Variants in G3BP2 observed in about 807,000 individuals in gnomAD.
The protein encoded by G3BP2 is ras GTPase-activating protein-binding protein 2.
Under a neutral mutation model 56.7 loss-of-function variants are expected in G3BP2, and 11 were observed. The observed-to-expected ratio is 0.19, with a 90% CI of 0.12 to 0.32. The LOEUF is 0.32. G3BP2 is among the 10% of genes least tolerant of loss of function. G3BP2 has a pLI of 1.00. For missense variants in G3BP2, 340 were observed against 610.9 expected, an observed-to-expected ratio of 0.56 and a Z score of 4.67; for synonymous variants, 165 against 191.6, an observed-to-expected ratio of 0.86 and a Z score of 1.15.
At chr4:75,663,775 C>T (rs992926273) in intron 1 of G3BP2, among the ~76,000 whole-genome samples, 1 of 76,334 alleles carries the variant, frequency 1.3e-5, no homozygotes, top group Non-Finnish European at 2.7e-5. Context: ...CAGAGAATTG[C>T]TTGAACCCGG....
At chr4:75,662,520 C>G (rs1732647494) in intron 1 of G3BP2, 1 of 152,360 alleles carries the variant, frequency 6.6e-6, no homozygotes, top group Non-Finnish European at 1.5e-5. Context: ...CCGTGCCCGG[C>G]CTAACCTGAA....
chr4:75,673,414 C>T (rs1733677448), upstream of G3BP2: 2 of 1,232,128 alleles, frequency 1.6e-6, no homozygotes, highest in African/African-American at 1.6e-5. Flanking sequence ...CACGGACGTC[C>T]CGCCCCCTTT....
chr4:75,681,307 G>A (rs1734064675), intron 3 of G3BP2, among the ~76,000 whole-genome samples: 1 of 149,488 alleles, frequency 6.7e-6, no homozygotes, highest in Non-Finnish European at 1.5e-5. Context: ...CTGGGCGAAA[G>A]AGCGAGACTC....
At chr4:75,658,258 A>G (rs1385784752) in intron 3 of G3BP2, among the ~76,000 whole-genome samples, 1 of 152,166 alleles carries the variant, frequency 6.6e-6, no homozygotes, top group Non-Finnish European at 1.5e-5. Flanking sequence ...GATATAAAAC[A>G]TACCATTTTC....
intron 7 of G3BP2, among the ~76,000 whole-genome samples, chr4:75,654,658 C>A (rs865890777): frequency 2.0e-5 from 3 of 152,182 alleles, no homozygotes; most frequent in Non-Finnish European, 2.9e-5. Context: ...GGAAACTGAT[C>A]CCATTTAAAC....
chr4:75,704,573 C>T (rs1348347933), intron 3 of G3BP2, among the ~76,000 whole-genome samples: 2 of 152,058 alleles, frequency 1.3e-5, no homozygotes, highest in East Asian at 3.9e-4. Flanking sequence ...CCCGCCTCGG[C>T]CTCCCAAAGT....
Position 75,643,516 on chromosome 4 carries a change from A to T in G3BP2, c.*1914T>A, listed in dbSNP as rs1274006312. 3 of 151,788 alleles carry T rather than the reference A, an allele frequency of 2.0e-5. No homozygotes were observed. The highest frequency in any genetic ancestry group is 4.4e-5 in the Non-Finnish European group (3 of 67,828). The allele number at this position is 151,788 out of a possible 1,614,324, so 9.4% of individuals were successfully genotyped here. A position where few individuals can be genotyped will look rare whatever the true frequency, so the allele number is the denominator to read the frequency against. On this transcript the variant is annotated 3_prime_UTR_variant, in exon 12 of 12. Transcript: ENST00000359707. ...ATCCTTAAGCCCCCCAAAAATGGAA[A>T]CTATGAAAATCTGTGTCCCCAAAAT...
chr4:75,660,918 C>G (rs1364474867), intron 2 of G3BP2, among the ~76,000 whole-genome samples: 2 of 152,040 alleles, frequency 1.3e-5, no homozygotes, highest in Non-Finnish European at 2.9e-5. Flanking sequence ...AAAAAACAAG[C>G]CTACAGATGT....
upstream of G3BP2, chr4:75,673,698 C>A: frequency 9.2e-7 from 1 of 1,088,208 alleles, no homozygotes; most frequent in East Asian, 3.2e-5. Flanking sequence ...TGCCGCCCTT[C>A]TTCCTGATCG....
intron 3 of G3BP2, among the ~76,000 whole-genome samples, chr4:75,682,572 T>C (rs1342230889): frequency 1.3e-5 from 2 of 152,204 alleles, no homozygotes; most frequent in African/African-American, 2.4e-5. Context: ...TCCCAGGTTA[T>C]AAAACTATTC....
intron 1 of G3BP2, among the ~76,000 whole-genome samples, chr4:75,666,908 A>G (rs1008595277): frequency 3.3e-5 from 5 of 152,232 alleles, no homozygotes; most frequent in African/African-American, 1.2e-4. Context: ...TGAAAAACTC[A>G]TGACCTTACT....
At chr4:75,694,695 G>T in intron 3 of G3BP2, 1 of 849,514 alleles carries the variant, frequency 1.2e-6, no homozygotes, top group Non-Finnish European at 1.4e-6. Context: ...CCAAGATGGC[G>T]CCATTGCACT....
intron 3 of G3BP2, among the ~76,000 whole-genome samples, chr4:75,689,205 C>T (rs892391165): frequency 1.3e-5 from 2 of 152,108 alleles, no homozygotes; most frequent in Non-Finnish European, 2.9e-5. Flanking sequence ...GGCAAAACCC[C>T]GTCTCTACTA....
chr4:75,718,416 CAG>C (rs1350411347), intron 3 of G3BP2, among the ~76,000 whole-genome samples: 3 of 152,088 alleles, frequency 2.0e-5, no homozygotes, highest in East Asian at 3.9e-4. Context: ...TGAATCTTTG[CAG>C]AGAGGCAGAA....
At chr4:75,697,273 C>CAAAAAAA (rs869037819) in intron 3 of G3BP2, among the ~76,000 whole-genome samples, 595 of 28,792 alleles carry the variant, frequency 0.021, 99 homozygotes, top group South Asian at 0.026. Context: ...GACTCTGTCT[C>CAAAAAAA]AAAAAAAAAA....
chr4:75,655,233 C>T lies in G3BP2; in HGVS notation c.559G>A (p.Glu187Lys). ...EAHPVTNGIE[E>K]PLEESSHEPE... is the part of the protein sequence containing the mutation. ...TCATGAGAGGATTCTTCCAAAGGCTCCTCTATGCCATTACTACAATAAAAT... is the reference window on the plus strand; with the variant it reads ...TCATGAGAGGATTCTTCCAAAGGCTTCTCTATGCCATTACTACAATAAAAT... Residue 187 changes from glutamate to lysine, a missense_variant, in exon 7 of 12, where the codon GAG becomes AAG. This residue lies in a region of G3BP2 where 224 missense variants were observed against 332.5 expected (regional missense o/e 0.67). Coordinates refer to ENST00000359707, the MANE Select transcript of G3BP2 (RefSeq NM_203505.3). 6.2e-7 allele frequency: 1 copy of T among 1,609,284 alleles called. No individual in the cohort carries two copies. The highest frequency in any genetic ancestry group is 1.1e-5 in the South Asian group (1 of 90,368).
chr4:75,667,762 C>T (rs13140869), intron 1 of G3BP2, among the ~76,000 whole-genome samples: 36,652 of 151,962 alleles, frequency 0.24, 4,715 homozygotes, highest in Middle Eastern at 0.37. Flanking sequence ...TGGTGGTACG[C>T]GCCTATAGTC....
intron 3 of G3BP2, among the ~76,000 whole-genome samples, chr4:75,707,061 G>C (rs1162370345): frequency 6.6e-6 from 1 of 151,404 alleles, no homozygotes; most frequent in African/African-American, 2.4e-5. Flanking sequence ...GCGTGGTGGC[G>C]CATGCCTGTA....
intron 11 of G3BP2, among the ~76,000 whole-genome samples, chr4:75,646,097 CTA>C (rs908967339): frequency 1.3e-5 from 2 of 152,216 alleles, no homozygotes; most frequent in African/African-American, 4.8e-5. Flanking sequence ...GTGTGAGCCA[CTA>C]TACCCAGCCA....
Sources: allele counts gnomAD v4.1 joint callset (sites outside exome capture counted in the v4.1 genomes callset), GRCh38; gene constraint gnomAD v4.1.1; regional missense constraint gnomAD v4.1.1; transcripts MANE v1.5; gene names NCBI Gene and HGNC (gene_info 2026-07-23, HGNC 2026-07-21).